ATP2C2: variants seen among roughly 807,000 people sequenced by gnomAD.
ATP2C2 encodes the protein ATPase secretory pathway Ca2+ transporting 2.
In ATP2C2, 171 loss-of-function variants were observed where a neutral mutation model predicts 110.8. The ratio of observed to expected loss-of-function variants is 1.54; its 90% CI spans 1.36 to 1.75. ATP2C2 has a LOEUF of 1.75. ATP2C2 is among the 40% of genes most tolerant of loss of function. ATP2C2 has a pLI of 0.00. For synonymous variants in ATP2C2, 804 were observed against 508.4 expected (o/e 1.58, Z -7.82); for missense variants, 1,963 against 1,235.0 (o/e 1.59, Z -8.84).
intron 11 of ATP2C2, 124 bp from the exon 12 acceptor site, chr16:84,439,042 C>G: frequency 7.1e-7 from 1 of 1,417,350 alleles, no homozygotes; most frequent in East Asian, 2.3e-5. Flanking sequence ...GGAATGGAGA[C>G]TAGAACCAGG....
intron 23 of ATP2C2, chr16:84,459,969 G>A (rs763962060): frequency 1.1e-4 from 28 of 254,486 alleles, no homozygotes; most frequent in Non-Finnish European, 1.9e-4. Flanking sequence ...GAAGGAATGC[G>A]CTTTGGAGTC....
rs560430134 is a variant in ATP2C2, at chr16:84,455,077, G to GGC, written c.2147+94_2147+95insCG. On this transcript the variant is annotated intron_variant, in intron 21 of 26. Transcript: ENST00000262429. ...CTGCTACTGTGGAGATAGAGGGGGGGGTCTCGCGGAGTCCCCAGGGAGAGC... is the reference window on the plus strand; with the variant it reads ...CTGCTACTGTGGAGATAGAGGGGGGGGCGTCTCGCGGAGTCCCCAGGGAGAGC... 2.8e-4 allele frequency: 413 copies of GGC among 1,493,156 alleles called. 17 individuals carry two copies. In the South Asian group the frequency reaches 3.3e-3, roughly 12 times the overall value. 92.5% of individuals were successfully genotyped at this position (1,493,156 alleles called of 1,614,324 possible).
At chr16:84,409,311 G>T (rs536813548) in intron 4 of ATP2C2, among the ~76,000 whole-genome samples, 1 of 152,300 alleles carries the variant, frequency 6.6e-6, no homozygotes, top group Admixed American at 6.5e-5. Flanking sequence ...GGGTCAGGGG[G>T]CTGGGGGAGG....
chr16:84,400,748 T>G (rs1002987752), intron 2 of ATP2C2, among the ~76,000 whole-genome samples: 9 of 152,240 alleles, frequency 5.9e-5, no homozygotes, highest in Non-Finnish European at 1.3e-4. Flanking sequence ...GCCTGACTTT[T>G]GGATAAAAGC....
In ATP2C2 at chr16:84,416,323, G is replaced by C. The variant is rs143645112; in HGVS notation, c.624+732G>C. Among the ~76,000 whole-genome samples, 11 of 152,320 alleles carry C rather than the reference G, an allele frequency of 7.2e-5. No individual in the cohort carries two copies. The East Asian group carries it at 2.1e-3, about 29-fold the overall frequency. Reference sequence around the variant, plus strand: ...TACATCAAGTTCACCATGATTTGTTGATGGGAGTAATCTATTTCAAGAATC... The same window carrying C: ...TACATCAAGTTCACCATGATTTGTTCATGGGAGTAATCTATTTCAAGAATC... On this transcript the variant is annotated intron_variant, in intron 7 of 26. Coordinates refer to ENST00000262429, the MANE Select transcript of ATP2C2 (RefSeq NM_014861.4).
intron 11 of ATP2C2, among the ~76,000 whole-genome samples, chr16:84,426,973 G>A (rs1346183570): frequency 2.6e-5 from 4 of 152,178 alleles, no homozygotes; most frequent in African/African-American, 9.7e-5. Flanking sequence ...TAGTTCTTCT[G>A]TGGCTATTTG....
At chr16:84,378,251 G>A (rs752386003) in intron 1 of ATP2C2, among the ~76,000 whole-genome samples, 22 of 152,204 alleles carry the variant, frequency 1.4e-4, no homozygotes, top group African/African-American at 4.3e-4. Flanking sequence ...GGCTCTGGGC[G>A]TAGGGGAAGG....
At chr16:84,389,385 G>A (rs781467220) in intron 1 of ATP2C2, among the ~76,000 whole-genome samples, 1 of 152,184 alleles carries the variant, frequency 6.6e-6, no homozygotes, top group South Asian at 2.1e-4. Flanking sequence ...TGACCACCAC[G>A]CGAGTTTTGA....
In ATP2C2 at chr16:84,442,778, C is replaced by T. The variant is rs1909392296; in HGVS notation, c.1401+179C>T. Among the ~76,000 whole-genome samples, 3 of 152,150 alleles carry T rather than the reference C, an allele frequency of 2.0e-5. No individual in the cohort carries two copies. The South Asian group carries it at 6.2e-4, about 32-fold the overall frequency. On this transcript the variant is annotated intron_variant, in intron 15 of 26. Transcript: ENST00000262429. ...GGTGGAGGAGGTGAGCTCTGAGATT[C>T]CACGGGACTTCAGCAAGTTCTGCAG...
At chr16:84,440,044 G>T (rs1033100915) in intron 13 of ATP2C2, among the ~76,000 whole-genome samples, 6 of 152,196 alleles carry the variant, frequency 3.9e-5, no homozygotes, top group African/African-American at 7.2e-5. Flanking sequence ...CTATATGTTG[G>T]CCAGGCTGGT....
At chr16:84,429,348 T>C (rs1207130441) in intron 11 of ATP2C2, among the ~76,000 whole-genome samples, 1 of 152,060 alleles carries the variant, frequency 6.6e-6, no homozygotes, top group Non-Finnish European at 1.5e-5. Context: ...AGATGGGATT[T>C]CACCATGTTG....
chr16:84,402,655 A>T (rs972490282), intron 2 of ATP2C2, among the ~76,000 whole-genome samples: 1 of 152,172 alleles, frequency 6.6e-6, no homozygotes, highest in Admixed American at 6.6e-5. Context: ...TTTGGTCATG[A>T]TGAATTTTCA....
At chr16:84,382,676 T>C (rs1910652250) in intron 1 of ATP2C2, among the ~76,000 whole-genome samples, 1 of 151,986 alleles carries the variant, frequency 6.6e-6, no homozygotes, top group Admixed American at 6.6e-5. Flanking sequence ...AGAGGATCAC[T>C]TGAGGTCAAA....
At chr16:84,379,104 A>ACTCTCTTCCC (rs1191995185) in intron 1 of ATP2C2, among the ~76,000 whole-genome samples, 1 of 145,080 alleles carries the variant, frequency 6.9e-6, no homozygotes, top group Non-Finnish European at 1.5e-5. Flanking sequence ...CATCCATTTC[A>ACTCTCTTCCC]CTCTCTTCCC....
chr16:84,459,948 G>C (rs1480072144), intron 23 of ATP2C2: 3 of 267,154 alleles, frequency 1.1e-5, no homozygotes, highest in African/African-American at 4.4e-5. Flanking sequence ...AGCTGGCCAA[G>C]TGGTGTGGGG....
chr16:84,409,800 G>C (rs921160069), intron 4 of ATP2C2, among the ~76,000 whole-genome samples: 1 of 152,146 alleles, frequency 6.6e-6, no homozygotes. Flanking sequence ...ACTGTGCCTG[G>C]CCTGAGCACC....
Position 84,459,430 on chromosome 16 carries a change from T to G in ATP2C2, c.2333+44T>G, listed in dbSNP as rs1373320749. ...GGAGCCCTGTGTCTCTTTACCCACC[T>G]GCGGGGCTTCCTCCAGGGGCTGCTG... is the stretch of plus-strand genomic sequence containing the variant. On this transcript the variant is annotated intron_variant, in intron 23 of 26. Coordinates refer to ENST00000262429, the MANE Select transcript of ATP2C2 (RefSeq NM_014861.4). 3.1e-6 allele frequency: 5 copies of G among 1,605,232 alleles called. No homozygotes were observed. The South Asian group carries it at 4.4e-5, about 14-fold the overall frequency.
chr16:84,403,481 A>G (rs1454658298), intron 2 of ATP2C2, among the ~76,000 whole-genome samples: 2 of 151,094 alleles, frequency 1.3e-5, no homozygotes, highest in Non-Finnish European at 2.9e-5. Flanking sequence ...AATTTTTAAA[A>G]TTTTTTTGTA....
intron 6 of ATP2C2, among the ~76,000 whole-genome samples, chr16:84,412,923 C>G (rs544127769): frequency 7.0e-6 from 1 of 143,734 alleles, no homozygotes; most frequent in East Asian, 2.0e-4. Context: ...TGGTGAAACT[C>G]TGTCTCTACT....
Sources: gnomAD v4.1 joint callset for allele counts (sites outside exome capture counted in the v4.1 genomes callset) on GRCh38, gnomAD v4.1.1 for gene constraint, MANE v1.5 for transcripts, NCBI Gene and HGNC (gene_info 2026-07-23, HGNC 2026-07-21) for gene names.